The following ZC3H7A variants were observed in gnomAD, a reference collection of about 807,000 sequenced individuals.
ZC3H7A encodes zinc finger CCCH-type containing 7A.
In ZC3H7A, 44 loss-of-function variants were observed where a neutral mutation model predicts 125.5. That is an observed-to-expected ratio of 0.35 (90% CI 0.28 to 0.45). The LOEUF (loss-of-function observed/expected upper bound fraction) is 0.45. ZC3H7A is among the 20% of genes least tolerant of loss of function. The pLI, the probability that ZC3H7A is intolerant of heterozygous loss-of-function variation, is 1.00. For synonymous variants in ZC3H7A, 399 were observed against 391.2 expected, an observed-to-expected ratio of 1.02 and a Z score of -0.23; for missense variants, 977 against 1,170.7, an observed-to-expected ratio of 0.83 and a Z score of 2.41.
chr16:11,778,587 G>A (rs1468131669), intron 4 of ZC3H7A, among the ~76,000 whole-genome samples: 1 of 152,156 alleles, frequency 6.6e-6, no homozygotes, highest in Non-Finnish European at 1.5e-5. Context: ...TTCCCTGGAT[G>A]ACTTTTTTAT....
intron 1 of ZC3H7A, among the ~76,000 whole-genome samples, chr16:11,791,114 C>CACACAA (rs2053343537): frequency 6.6e-6 from 1 of 151,540 alleles, no homozygotes; most frequent in South Asian, 2.1e-4. Flanking sequence ...CACACACACA[C>CACACAA]ACACACACAC....
intron 15 of ZC3H7A, among the ~76,000 whole-genome samples, chr16:11,763,996 G>A (rs888319269): frequency 6.0e-5 from 9 of 151,258 alleles, no homozygotes; most frequent in African/African-American, 2.2e-4. Context: ...GGGTTTCACC[G>A]TGTTAGCCAG....
intron 1 of ZC3H7A, among the ~76,000 whole-genome samples, chr16:11,784,279 G>A (rs1003754903): frequency 5.9e-5 from 9 of 152,030 alleles, no homozygotes; most frequent in Non-Finnish European, 1.3e-4. Flanking sequence ...CACCCTTCTA[G>A]CTACTTGGAC....
intron 21 of ZC3H7A, among the ~76,000 whole-genome samples, chr16:11,755,275 A>G (rs2052623507): frequency 6.6e-6 from 1 of 151,954 alleles, no homozygotes; most frequent in South Asian, 2.1e-4. Context: ...AAAAATACAC[A>G]CTGGATCTGT....
At chr16:11,797,063 G>A (rs1596412801) in intron 1 of ZC3H7A, 61 bp downstream of exon 1, 2 of 144,246 alleles carry the variant, frequency 1.4e-5, no homozygotes, top group Admixed American at 6.8e-5. Flanking sequence ...CGCGCGCGGG[G>A]GGGGCGGGGG....
chr16:11,751,842 A>T (rs1166141706), intron 22 of ZC3H7A, among the ~76,000 whole-genome samples: 2 of 152,088 alleles, frequency 1.3e-5, no homozygotes, highest in African/African-American at 4.8e-5. Context: ...AGGGAATTAA[A>T]TATTAACAGT....
At chr16:11,787,859 T>C (rs1233689689) in intron 1 of ZC3H7A, among the ~76,000 whole-genome samples, 2 of 151,372 alleles carry the variant, frequency 1.3e-5, no homozygotes, top group Admixed American at 1.3e-4. Context: ...GGCAGGAGAA[T>C]CGTTTGAACC....
At chr16:11,794,155 T>C (rs992581069) in intron 1 of ZC3H7A, among the ~76,000 whole-genome samples, 4 of 152,200 alleles carry the variant, frequency 2.6e-5, no homozygotes, top group African/African-American at 9.7e-5. Context: ...CTGGGGACAC[T>C]GATACCACCA....
intron 21 of ZC3H7A, 86 bp downstream of exon 21, chr16:11,756,151 G>A: frequency 2.0e-6 from 3 of 1,530,686 alleles, no homozygotes; most frequent in Non-Finnish European, 2.6e-6. Flanking sequence ...GACACAACGA[G>A]ACTCCATCTC....
At chr16:11,757,443 C>T (rs982460092) in intron 20 of ZC3H7A, among the ~76,000 whole-genome samples, 2 of 141,596 alleles carry the variant, frequency 1.4e-5, no homozygotes, top group Non-Finnish European at 3.0e-5. Flanking sequence ...GAGATCACGC[C>T]ACTGCACTCC....
rs779959784 is a variant in ZC3H7A at position 11,761,383 on chromosome 16, T to C, written c.2319+23A>G. ...TTTGAAATGCCTAATTTAAAAAAAG[T>C]GGCTTAAAAATTACGTATGTACATC... On this transcript the variant is annotated intron_variant, in intron 19 of 22. Coordinates refer to ENST00000355758, the MANE Select transcript of ZC3H7A (RefSeq NM_014153.4). 9 of 1,605,600 alleles carry C rather than the reference T, an allele frequency of 5.6e-6. No individual in the cohort carries two copies. In the African/African-American group the frequency reaches 1.1e-4, roughly 19 times the overall value.
intron 18 of ZC3H7A, 121 bp from the exon 19 acceptor site, chr16:11,761,632 G>T: frequency 1.0e-6 from 1 of 1,004,908 alleles, no homozygotes; most frequent in Non-Finnish European, 1.5e-6. Flanking sequence ...GCTTCTAAAA[G>T]AAATACCTTA....
Position 11,765,545 on chromosome 16 carries a change from G to A in ZC3H7A, c.1663C>T (p.Leu555Phe). 1 of 1,614,162 alleles carries A rather than the reference G, an allele frequency of 6.2e-7. No individual in the cohort carries two copies. Among genetic ancestry groups the A allele is most frequent in the Non-Finnish European group, 8.5e-7 (1 of 1,180,030 alleles). ...TCCTGGAGAAGTTTGAACACAGTAA[G>A]GTTAATCTTTCCATTGCCGCCAAAG... ...AFFGGNGKINLTVFKLLQEHL... is the reference protein window; with the variant it reads ...AFFGGNGKINFTVFKLLQEHL... Residue 555 changes from leucine to phenylalanine, a missense_variant, in exon 14 of 23, where the codon CTT becomes TTT. This residue lies in a region of ZC3H7A where 436 missense variants were observed against 603.2 expected (regional missense o/e 0.72). Coordinates refer to ENST00000355758, the MANE Select transcript of ZC3H7A (RefSeq NM_014153.4). This position sits in a 1 kb window ranked among gnomAD's most constrained non-coding sequence, Gnocchi z 4.8.
intron 1 of ZC3H7A, among the ~76,000 whole-genome samples, chr16:11,786,068 A>G (rs1409258163): frequency 1.3e-5 from 2 of 152,196 alleles, no homozygotes; most frequent in Non-Finnish European, 1.5e-5. Context: ...TTTTCAATCT[A>G]TGTGTTCAAA....
chr16:11,767,756 T>C (rs1469996378), intron 12 of ZC3H7A, among the ~76,000 whole-genome samples, 178 bp from the exon 13 acceptor site: 1 of 152,148 alleles, frequency 6.6e-6, no homozygotes, highest in Non-Finnish European at 1.5e-5. Context: ...CCTTTTATAA[T>C]GTATCAGACA....
intron 7 of ZC3H7A, among the ~76,000 whole-genome samples, chr16:11,775,908 A>G (rs1394289734): frequency 1.3e-5 from 2 of 152,228 alleles, no homozygotes; most frequent in South Asian, 2.1e-4. Context: ...CTGTGATCCC[A>G]GCATTTGGTG....
intron 13 of ZC3H7A, among the ~76,000 whole-genome samples, 168 bp downstream of exon 13, chr16:11,767,249 C>G (rs2052875783): frequency 6.6e-6 from 1 of 152,174 alleles, no homozygotes; most frequent in African/African-American, 2.4e-5. Flanking sequence ...CTGACTATGT[C>G]ATGGATAGGC....
intron 22 of ZC3H7A, among the ~76,000 whole-genome samples, chr16:11,751,847 A>C (rs2052557481): frequency 6.6e-6 from 1 of 152,170 alleles, no homozygotes; most frequent in Non-Finnish European, 1.5e-5. Flanking sequence ...ATTAAATATT[A>C]ACAGTGATTT....
In ZC3H7A at chr16:11,761,985, G is replaced by A; in HGVS notation, c.2138C>T (p.Ala713Val). The change falls in exon 18 of 23, where the codon GCC (alanine) becomes GTC (valine). Residue 713 changes from alanine to valine, a missense_variant. Coordinates refer to ENST00000355758, the MANE Select transcript of ZC3H7A (RefSeq NM_014153.4). ...GACTTGACCGTTTCTCAGACACTGGGCGCACACAAACTTTATCTTCATATT... is the reference window on the plus strand; with the variant it reads ...GACTTGACCGTTTCTCAGACACTGGACGCACACAAACTTTATCTTCATATT... ...FLNMKIKFVCAQCLRNGQVIE... is the reference protein window; with the variant it reads ...FLNMKIKFVCVQCLRNGQVIE... The A allele has an allele frequency of 5.6e-6, 9 of 1,613,072 alleles. No homozygotes were observed. The highest frequency in any genetic ancestry group is 5.9e-6 in the Non-Finnish European group (7 of 1,179,760).
Sources: gnomAD v4.1 joint callset for allele counts (sites outside exome capture counted in the v4.1 genomes callset) on GRCh38, gnomAD v4.1.1 for gene constraint, gnomAD v4.1.1 regional missense constraint, Gnocchi (gnomAD v3.1) non-coding constraint, MANE v1.5 for transcripts, NCBI Gene and HGNC (gene_info 2026-07-23, HGNC 2026-07-21) for gene names.